The following GAS2L3 variants were observed in gnomAD, a reference collection of about 807,000 sequenced individuals.
GAS2L3 encodes growth arrest specific 2 like 3.
GAS2L3 carries 28 observed loss-of-function variants against 37.0 expected under a neutral mutation model. The ratio of observed to expected loss-of-function variants is 0.76; its 90% CI spans 0.56 to 1.04. The LOEUF (loss-of-function observed/expected upper bound fraction) is 1.04. GAS2L3 is among the 50% of genes least tolerant of loss of function. The probability of loss-of-function intolerance (pLI) is 0.00; values close to 1 mark genes in which losing one functional copy is unlikely to be tolerated. For synonymous variants in GAS2L3, 290 were observed against 296.6 expected, an observed-to-expected ratio of 0.98 and a Z score of 0.23; for missense variants, 793 against 817.6, an observed-to-expected ratio of 0.97 and a Z score of 0.37.
intron 1 of GAS2L3, chr12:100,579,477 T>C: frequency 1.3e-6 from 1 of 772,994 alleles, no homozygotes. Context: ...GTTAGTGGTA[T>C]TATACCCAAA....
chr12:100,604,253 T>A (rs1486845061), intron 5 of GAS2L3, among the ~76,000 whole-genome samples: 1 of 152,028 alleles, frequency 6.6e-6, no homozygotes, highest in East Asian at 1.9e-4. Flanking sequence ...TTTTCCATTT[T>A]TTGGTGTCCT....
At chr12:100,622,886 T>C (rs1261525905) in intron 9 of GAS2L3, among the ~76,000 whole-genome samples, 2 of 151,570 alleles carry the variant, frequency 1.3e-5, no homozygotes, top group African/African-American at 4.8e-5. Flanking sequence ...AGTATGCTGA[T>C]ATATATGTTC....
intron 1 of GAS2L3, among the ~76,000 whole-genome samples, chr12:100,591,051 A>C (rs983314546): frequency 5.9e-5 from 9 of 152,172 alleles, no homozygotes; most frequent in African/African-American, 2.2e-4. Context: ...CATGTAACCA[A>C]ATACCACCTG....
At position 100,624,496 on chromosome 12, in the gene GAS2L3, T is replaced by C; in HGVS notation, c.1691T>C (p.Val564Ala). The C allele has an allele frequency of 6.2e-7, 1 of 1,614,088 alleles. No individual in the cohort carries two copies. Among genetic ancestry groups the C allele is most frequent in the Non-Finnish European group, 8.5e-7 (1 of 1,180,014 alleles). The change falls in exon 10 of 10, where the codon GTT (valine) becomes GCT (alanine). Residue 564 changes from valine (V) to alanine (A), a missense_variant. Transcript: ENST00000547754. ...TCGGCCTTGAATTTAAATCAGCCAG[T>C]TTCTGTGTCCTCAGTTTCTCCTGTA... ...LKSALNLNQP[V>A]SVSSVSPVKA...
intron 1 of GAS2L3, chr12:100,580,248 A>G (rs1031284322): frequency 6.6e-5 from 34 of 513,814 alleles, no homozygotes; most frequent in African/African-American, 6.1e-4. Context: ...TTGTATTAAG[A>G]CTATGGAAAA....
intron 5 of GAS2L3, among the ~76,000 whole-genome samples, chr12:100,604,482 T>TTTG (rs1214888993): frequency 2.0e-5 from 3 of 150,974 alleles, no homozygotes; most frequent in African/African-American, 7.3e-5. Context: ...TTGTTTTTTT[T>TTTG]TTTTTTTTGA....
At chr12:100,613,193 A>T (rs2136534078) in intron 6 of GAS2L3, among the ~76,000 whole-genome samples, 1 of 152,322 alleles carries the variant, frequency 6.6e-6, no homozygotes, top group South Asian at 2.1e-4. Flanking sequence ...TTCTGAAAGG[A>T]CATAAGATTG....
At chr12:100,613,601 T>C (rs1956152333) in intron 6 of GAS2L3, among the ~76,000 whole-genome samples, 1 of 151,016 alleles carries the variant, frequency 6.6e-6, no homozygotes. Flanking sequence ...TTTCTTTCTT[T>C]TTTTTTTTTT....
rs1956262141 is a variant in GAS2L3 at position 100,622,147 on chromosome 12, G to A, written c.649-128G>A. ...ATATTTGTTAATAAGCACAGGAGAA[G>A]CGATTAAATTATTGAACCTGAAATT... On this transcript the variant is annotated intron_variant, in intron 8 of 9. Coordinates refer to ENST00000547754, the MANE Select transcript of GAS2L3 (RefSeq NM_174942.3). The A allele has an allele frequency of 7.7e-6, 4 of 520,904 alleles. No individual in the cohort carries two copies. The East Asian group carries it at 1.2e-4, about 16-fold the overall frequency. The allele number at this position is 520,904 out of a possible 1,614,324, so 32.3% of individuals were successfully genotyped here.
At chr12:100,592,523 T>A (rs1167001688) in intron 2 of GAS2L3, 1 of 152,136 alleles carries the variant, frequency 6.6e-6, no homozygotes, top group Non-Finnish European at 1.5e-5. Context: ...CATTATGGTA[T>A]GAAGTCAAAT....
intron 8 of GAS2L3, among the ~76,000 whole-genome samples, chr12:100,621,880 GGGGAGAGAGA>G (rs1239252268): frequency 2.0e-5 from 2 of 97,638 alleles, no homozygotes; most frequent in Admixed American, 9.9e-5. Context: ...AGGGTGGGGG[GGGGAGAGAGA>G]GAGAGAGAGA....
chr12:100,582,265 G>A (rs1955722939), intron 1 of GAS2L3, among the ~76,000 whole-genome samples: 1 of 152,258 alleles, frequency 6.6e-6, no homozygotes. Context: ...TCATTGTCCA[G>A]GAGAAGGAAT....
At chr12:100,588,441 G>A (rs1202764983) in intron 1 of GAS2L3, among the ~76,000 whole-genome samples, 1 of 151,928 alleles carries the variant, frequency 6.6e-6, no homozygotes, top group Admixed American at 6.6e-5. Context: ...TGCTTCAAAG[G>A]GCAAAAAACA....
chr12:100,611,528 C>T (rs1956126702), intron 5 of GAS2L3, among the ~76,000 whole-genome samples: 1 of 152,096 alleles, frequency 6.6e-6, no homozygotes, highest in Non-Finnish European at 1.5e-5. Flanking sequence ...TTTTTGGCAC[C>T]AGGTACCAGT....
chr12:100,624,617 C>T lies in GAS2L3; in HGVS notation c.1812C>T (p.Ser604=), dbSNP rs144778684. The change falls in exon 10 of 10, where the codon TCC becomes TCT. Residue 604 remains serine, a synonymous_variant. Coordinates refer to ENST00000547754, the MANE Select transcript of GAS2L3 (RefSeq NM_174942.3). ...CATTTCAGAAGACAGGACCCAGCTC[C>T]TTGAAGTCTCCTGGCCGTACCCCAC... ...KSAFQKTGPS[S]LKSPGRTPLS... is the part of the protein sequence containing the mutation. 1.2e-5 allele frequency: 19 copies of T among 1,613,984 alleles called. No homozygotes were observed. In the African/African-American group the frequency reaches 2.5e-4, roughly 22 times the overall value.
chr12:100,624,751 G>A lies in GAS2L3; in HGVS notation c.1946G>A (p.Gly649Asp), dbSNP rs748840164. Reference sequence around the variant, plus strand: ...TCAACTAAAGGGCCTCCCAGAAGTGGCAAAACCCCAGCTTCAATCAGGAAA... The same window carrying A: ...TCAACTAAAGGGCCTCCCAGAAGTGACAAAACCCCAGCTTCAATCAGGAAA... ...QHSTKGPPRS[G>D]KTPASIRKPP... Residue 649 changes from glycine (G) to aspartate (D), a missense_variant, in exon 10 of 10, where the codon GGC becomes GAC. Transcript: ENST00000547754. 3 of 1,613,886 alleles carry A rather than the reference G, an allele frequency of 1.9e-6. No homozygotes were observed. Among genetic ancestry groups the A allele is most frequent in the Admixed American group, 1.7e-5 (1 of 60,008 alleles).
chr12:100,583,453 G>A (rs1282309771), intron 1 of GAS2L3, among the ~76,000 whole-genome samples: 1 of 152,222 alleles, frequency 6.6e-6, no homozygotes, highest in Non-Finnish European at 1.5e-5. Context: ...CTGTTGTCCT[G>A]TTAACTTGGA....
chr12:100,595,334 G>A (rs1159465576), intron 3 of GAS2L3, among the ~76,000 whole-genome samples: 2 of 151,064 alleles, frequency 1.3e-5, no homozygotes, highest in African/African-American at 2.4e-5. Flanking sequence ...TTAAATTTCA[G>A]ATAGTTGTTC....
In GAS2L3 at chr12:100,623,968, C is replaced by G. The variant is rs1459978010; in HGVS notation, c.1163C>G (p.Ser388Ter). 1 of 1,614,002 alleles carries G rather than the reference C, an allele frequency of 6.2e-7. No homozygotes were observed. Among genetic ancestry groups the G allele is most frequent in the Non-Finnish European group, 8.5e-7 (1 of 1,180,014 alleles). Reference sequence around the variant, plus strand: ...TCTTCTCATCCCAAGCTCAAGTCTTCAAAAGGCATAACGAAGAAACCGCAG... The same window carrying G: ...TCTTCTCATCCCAAGCTCAAGTCTTGAAAAGGCATAACGAAGAAACCGCAG... ...AASSHPKLKS[S>*]KGITKKPQAP... Residue 388 changes from serine to a stop codon, truncating the protein, a stop_gained, in exon 10 of 10, where the codon TCA becomes TGA. Coordinates refer to ENST00000547754, the MANE Select transcript of GAS2L3 (RefSeq NM_174942.3). LOFTEE classifies it low-confidence loss of function (END_TRUNC).
Sources: allele counts gnomAD v4.1 joint callset (sites outside exome capture counted in the v4.1 genomes callset), GRCh38; gene constraint gnomAD v4.1.1; transcripts MANE v1.5; gene names NCBI Gene and HGNC (gene_info 2026-07-23, HGNC 2026-07-21).